The following TNRC6B variants were observed in gnomAD, a reference collection of about 807,000 sequenced individuals.
The protein encoded by TNRC6B is trinucleotide repeat containing adaptor 6B.
Under a neutral mutation model 203.6 loss-of-function variants are expected in TNRC6B, and 52 were observed. The observed-to-expected ratio is 0.26, with a 90% CI of 0.20 to 0.32. The LOEUF is 0.32. Among genes scored for constraint, TNRC6B ranks in the 10% least tolerant of loss-of-function variants. The pLI, the probability that TNRC6B is intolerant of heterozygous loss-of-function variation, is 1.00. For missense variants in TNRC6B, 1,923 were observed against 2,286.2 expected (o/e 0.84, Z 3.24); for synonymous variants, 838 against 845.7 (o/e 0.99, Z 0.16).
chr22:40,215,060 T>C (rs2069617440), intron 1 of TNRC6B, among the ~76,000 whole-genome samples: 1 of 152,188 alleles, frequency 6.6e-6, no homozygotes, highest in Non-Finnish European at 1.5e-5. Flanking sequence ...TACTTAGCTT[T>C]CTTTTTTTTT....
chr22:40,240,908 A>C (rs572547529), intron 1 of TNRC6B, among the ~76,000 whole-genome samples: 1 of 152,280 alleles, frequency 6.6e-6, no homozygotes, highest in Admixed American at 6.5e-5. Context: ...CTGCAGCCTC[A>C]GCTTCCTGGG....
At chr22:40,137,134 C>T (rs1400760495) in intron 3 of TNRC6B, among the ~76,000 whole-genome samples, 1 of 152,148 alleles carries the variant, frequency 6.6e-6, no homozygotes, top group African/African-American at 2.4e-5. Flanking sequence ...GTAGGGGATG[C>T]AGAGAAAAAA....
intron 1 of TNRC6B, among the ~76,000 whole-genome samples, chr22:40,214,716 CTAAT>C (rs1346953385): frequency 1.3e-5 from 2 of 152,018 alleles, no homozygotes; most frequent in African/African-American, 2.4e-5. Flanking sequence ...CCATGCCCAA[CTAAT>C]TATTTTTTAT....
intron 3 of TNRC6B, among the ~76,000 whole-genome samples, chr22:40,259,937 T>A (rs1453808543): frequency 6.6e-6 from 1 of 152,132 alleles, no homozygotes; most frequent in African/African-American, 2.4e-5. Context: ...CAGCCTCTAT[T>A]TGCCAGGTAG....
chr22:40,075,154 ATATT>A (rs2067997300), intron 1 of TNRC6B, among the ~76,000 whole-genome samples: 1 of 55,396 alleles, frequency 1.8e-5, no homozygotes, highest in Non-Finnish European at 3.1e-5. Context: ...ATATATATAT[ATATT>A]TTTTTTTTTT....
chr22:40,096,874 T>G (rs750751784), intron 1 of TNRC6B, among the ~76,000 whole-genome samples: 3 of 152,234 alleles, frequency 2.0e-5, no homozygotes, highest in Non-Finnish European at 2.9e-5. Context: ...TTGTCAACAT[T>G]GTTCTGAAAA....
intron 1 of TNRC6B, among the ~76,000 whole-genome samples, chr22:40,189,030 T>A (rs1189215748): frequency 3.9e-5 from 6 of 152,110 alleles, no homozygotes; most frequent in Non-Finnish European, 8.8e-5. Context: ...CTTTTGCTGG[T>A]CTAAGAATCA....
intron 1 of TNRC6B, among the ~76,000 whole-genome samples, chr22:40,078,906 T>A (rs912465217): frequency 2.6e-5 from 4 of 151,818 alleles, no homozygotes; most frequent in African/African-American, 9.7e-5. Context: ...AAACCCTGTC[T>A]CTACCAAAAA....
intron 15 of TNRC6B, among the ~76,000 whole-genome samples, chr22:40,302,213 T>G (rs377504566): frequency 6.6e-6 from 1 of 152,152 alleles, no homozygotes; most frequent in African/African-American, 2.4e-5. Context: ...ATCTAATTGG[T>G]GAGGAAACAG....
chr22:40,086,096 C>T lies in TNRC6B; in HGVS notation c.-120-30959C>T, dbSNP rs565204546. Among the ~76,000 whole-genome samples, 5 of 152,232 alleles carry T rather than the reference C, an allele frequency of 3.3e-5. No individual in the cohort carries two copies. In the East Asian group the frequency reaches 9.7e-4, roughly 29 times the overall value. On this transcript the variant is annotated intron_variant, in intron 1 of 23. Coordinates refer to the TNRC6B transcript ENST00000301923. ...ATGTTGCCCAGGCTGGTCTTGAGCT[C>T]CTGGGCTCAAGCAATTCTACTGCCT...
At chr22:40,318,273 C>T (rs189239697) in intron 21 of TNRC6B, among the ~76,000 whole-genome samples, 4 of 152,262 alleles carry the variant, frequency 2.6e-5, no homozygotes, top group South Asian at 2.1e-4. Flanking sequence ...TACGGCCGGG[C>T]ACGGTGGCTC....
intron 2 of TNRC6B, among the ~76,000 whole-genome samples, chr22:40,117,418 CA>C (rs961695471): frequency 1.3e-4 from 20 of 152,048 alleles, no homozygotes; most frequent in Non-Finnish European, 1.9e-4. Flanking sequence ...CTCTGTCTCT[CA>C]CCTTTCCCTG....
In TNRC6B at chr22:40,273,499, G is replaced by C. The variant is rs1233386047; in HGVS notation, c.3040G>C (p.Glu1014Gln). ...VTGARHPSWE[E>Q]EEDGGVWNTT... ...AGGAGCTCGCCATCCCAGCTGGGAAGAGGAGGAGGATGGAGGAGTCTGGAA... is the reference window on the plus strand; with the variant it reads ...AGGAGCTCGCCATCCCAGCTGGGAACAGGAGGAGGATGGAGGAGTCTGGAA... The change falls in exon 7 of 23, where the codon GAG becomes CAG. Residue 1014 changes from glutamate (E) to glutamine (Q), a missense_variant. Glu to Gln is a conservative substitution (Grantham distance 29). Transcript: ENST00000454349. 1.2e-6 allele frequency: 2 copies of C among 1,605,478 alleles called. No individual in the cohort carries two copies. Among genetic ancestry groups the C allele is most frequent in the Admixed American group, 1.7e-5 (1 of 58,808 alleles).
intron 2 of TNRC6B, among the ~76,000 whole-genome samples, chr22:40,124,048 A>G (rs1196386598): frequency 6.6e-6 from 1 of 152,128 alleles, no homozygotes; most frequent in African/African-American, 2.4e-5. Flanking sequence ...ATGGATATCA[A>G]TTGAGAGCTT....
intron 1 of TNRC6B, among the ~76,000 whole-genome samples, chr22:40,238,414 C>G (rs1569033462): frequency 6.6e-6 from 1 of 152,138 alleles, no homozygotes; most frequent in African/African-American, 2.4e-5. Context: ...TATTCAATTA[C>G]CAGAAAATAT....
intron 12 of TNRC6B, among the ~76,000 whole-genome samples, chr22:40,293,699 C>T (rs2070899725): frequency 6.6e-6 from 1 of 152,108 alleles, no homozygotes; most frequent in African/African-American, 2.4e-5. Context: ...CCTTGTCTGC[C>T]CTGCCCCTAG....
intron 2 of TNRC6B, among the ~76,000 whole-genome samples, chr22:40,249,074 C>G (rs988306113): frequency 2.6e-5 from 4 of 152,180 alleles, no homozygotes; most frequent in African/African-American, 9.7e-5. Flanking sequence ...GTGGTTCATT[C>G]ATTCGGTCCG....
At position 40,265,430 on chromosome 22, in the gene TNRC6B, G is replaced by T. The variant is rs2070463249; in HGVS notation, c.1200G>T (p.Leu400Phe). 1.2e-6 allele frequency: 2 copies of T among 1,613,994 alleles called. No individual in the cohort carries two copies. Among genetic ancestry groups the T allele is most frequent in the Admixed American group, 3.3e-5 (2 of 60,014 alleles). Residue 400 changes from leucine (L) to phenylalanine (F), a missense_variant, in exon 5 of 23, where the codon TTG (leucine) becomes TTT (phenylalanine). This residue lies in a region of TNRC6B where 614 missense variants were observed against 587.7 expected (regional missense o/e 1.04). Transcript: ENST00000454349. ...ENKGMPFGMG[L>F]GNTSRSTDAP... The stretch of plus-strand genomic sequence containing the variant: ...AGGGAATGCCCTTTGGAATGGGCTT[G>T]GGGAACACCTCCAGGAGCACTGATG...
intron 1 of TNRC6B, among the ~76,000 whole-genome samples, chr22:40,069,549 G>A (rs568654900): frequency 1.3e-5 from 2 of 150,114 alleles, no homozygotes; most frequent in South Asian, 2.1e-4. Context: ...GTGCAATGGC[G>A]TGATCTCGGC....
Sources: allele counts gnomAD v4.1 joint callset (sites outside exome capture counted in the v4.1 genomes callset), GRCh38; gene constraint gnomAD v4.1.1; regional missense constraint gnomAD v4.1.1; transcripts MANE v1.5; gene names NCBI Gene and HGNC (gene_info 2026-07-23, HGNC 2026-07-21).